Variants in DOCK6 observed in about 807,000 individuals in gnomAD.
DOCK6 encodes dedicator of cytokinesis 6.
DOCK6 carries 167 observed loss-of-function variants against 230.3 expected under a neutral mutation model. The ratio of observed to expected loss-of-function variants is 0.73; its 90% CI spans 0.64 to 0.82. The LOEUF is 0.82. Among genes scored for constraint, DOCK6 ranks in the 40% least tolerant of loss-of-function variants. DOCK6 has a pLI of 0.00. For missense variants in DOCK6, 2,598 were observed against 2,825.8 expected (o/e 0.92, Z 1.83); for synonymous variants, 1,148 against 1,185.0 (o/e 0.97, Z 0.64).
intron 6 of DOCK6, among the ~76,000 whole-genome samples, chr19:11,250,313 A>C (rs2080097733): frequency 6.7e-6 from 1 of 148,748 alleles, no homozygotes; most frequent in African/African-American, 2.5e-5. Flanking sequence ...GCCCAGCCAG[A>C]AGCTACTTTT....
chr19:11,205,486 G>A (rs2079242986), intron 39 of DOCK6, among the ~76,000 whole-genome samples: 1 of 152,246 alleles, frequency 6.6e-6, no homozygotes, highest in South Asian at 2.1e-4. Flanking sequence ...GGGATTACAG[G>A]CATGTGCCAC....
chr19:11,232,301 C>G, intron 22 of DOCK6: 4 of 1,289,004 alleles, frequency 3.1e-6, no homozygotes, highest in Non-Finnish European at 4.0e-6. Context: ...TGGAGATACA[C>G]GGAGAAGTGG....
intron 14 of DOCK6, chr19:11,239,801 C>G: frequency 1.2e-6 from 2 of 1,607,952 alleles, no homozygotes; most frequent in Non-Finnish European, 1.7e-6. Flanking sequence ...GTGTACAGGA[C>G]CACGGAGGGA....
At chr19:11,231,646 G>C (rs80221335) in intron 22 of DOCK6, among the ~76,000 whole-genome samples, 7,932 of 152,286 alleles carry the variant, frequency 0.052, 282 homozygotes, top group Middle Eastern at 0.095. Flanking sequence ...TTTTACAAAT[G>C]AAGAAACTGA....
At position 11,208,952 on chromosome 19, in the gene DOCK6, C is replaced by T. The variant is rs529163725; in HGVS notation, c.4903G>A (p.Glu1635Lys). The change falls in exon 38 of 48, where the codon GAG (glutamate) becomes AAG (lysine). Residue 1635 changes from glutamate to lysine, a missense_variant. By Grantham distance (56) the Glu-to-Lys change is moderately conservative. Coordinates refer to ENST00000294618, the MANE Select transcript of DOCK6 (RefSeq NM_020812.4). ...ALVAEYLALLEDHRHLPVGCV... is the reference protein window; with the variant it reads ...ALVAEYLALLKDHRHLPVGCV... ...CCCACGGGCAGGTGGCGGTGGTCCT[C>T]GAGCAGGGCGAGGTACTCAGCCACG... 176 of 1,598,966 alleles carry T rather than the reference C, an allele frequency of 1.1e-4. No homozygotes were observed. The highest frequency in any genetic ancestry group is 2.9e-4 in the South Asian group (26 of 90,694).
intron 1 of DOCK6, among the ~76,000 whole-genome samples, chr19:11,255,834 T>G (rs1260758897): frequency 6.6e-6 from 1 of 152,220 alleles, no homozygotes; most frequent in Non-Finnish European, 1.5e-5. Flanking sequence ...TTGCCCACGC[T>G]GGAGTGCAGT....
At chr19:11,225,413 G>A (rs1183642695) in intron 24 of DOCK6, among the ~76,000 whole-genome samples, 2 of 152,164 alleles carry the variant, frequency 1.3e-5, no homozygotes, top group Non-Finnish European at 2.9e-5. Flanking sequence ...GCCTGGGCCA[G>A]AACGCCATTT....
chr19:11,224,333 TC>T (rs1173021472), intron 24 of DOCK6, among the ~76,000 whole-genome samples: 2 of 151,566 alleles, frequency 1.3e-5, no homozygotes, highest in Admixed American at 1.3e-4. Flanking sequence ...GCCTCAGCCT[TC>T]TGAGTAGCTG....
Position 11,213,181 on chromosome 19 carries a change from C to T in DOCK6, c.4486G>A (p.Gly1496Ser), listed in dbSNP as rs2079421223. 3 of 1,611,512 alleles carry T rather than the reference C, an allele frequency of 1.9e-6. No homozygotes were observed. The highest frequency in any genetic ancestry group is 2.5e-6 in the Non-Finnish European group (3 of 1,178,746). The change falls in exon 35 of 48, where the codon GGC becomes AGC. Residue 1496 changes from glycine (G) to serine (S), a missense_variant. Transcript: ENST00000294618. ...GCCTCCTAGCCCCCACTCACGTGGCCGATCTCGAAGTTCTGTCGCATGAGC... is the reference window on the plus strand; with the variant it reads ...GCCTCCTAGCCCCCACTCACGTGGCTGATCTCGAAGTTCTGTCGCATGAGC... ...YLLMRQNFEI[G>S]HNFARVKMQV...
intron 37 of DOCK6, among the ~76,000 whole-genome samples, chr19:11,209,442 A>G (rs191941744): frequency 6.8e-6 from 1 of 147,994 alleles, no homozygotes; most frequent in East Asian, 2.0e-4. Context: ...CGTGTATCCT[A>G]CTCACCTGTC....
intron 8 of DOCK6, 48 bp downstream of exon 8, chr19:11,245,764 C>T: frequency 1.2e-6 from 2 of 1,604,140 alleles, no homozygotes; most frequent in Non-Finnish European, 1.7e-6. Context: ...CCCACAGCCC[C>T]CCAACAAGGA....
chr19:11,219,753 G>A (rs554176938), intron 28 of DOCK6, among the ~76,000 whole-genome samples: 16 of 149,278 alleles, frequency 1.1e-4, no homozygotes, highest in Admixed American at 8.7e-4. Flanking sequence ...TAGCGCCACT[G>A]CACTCCAGCC....
rs2079871648 is a variant in DOCK6, at chr19:11,237,657, G to A, written c.1955C>T (p.Thr652Ile). ...ACGGCTCACAGTAAAGCCCACGGGT[G>A]TCTCCAGGGCAGTGCCCGGCCGGGG... ...CQPRPGTALE[T>I]PVGFTWIPLL... Residue 652 changes from threonine (T) to isoleucine (I), a missense_variant, in exon 17 of 48, where the codon ACA becomes ATA. Physicochemically the swap from Thr to Ile is moderately conservative, Grantham distance 89. Transcript: ENST00000294618. 3 of 1,597,900 alleles carry A rather than the reference G, an allele frequency of 1.9e-6. No homozygotes were observed. The highest frequency in any genetic ancestry group is 1.7e-5 in the Admixed American group (1 of 57,214).
chr19:11,208,006 C>T (rs936900218), intron 39 of DOCK6, among the ~76,000 whole-genome samples: 1 of 151,826 alleles, frequency 6.6e-6, no homozygotes, highest in Non-Finnish European at 1.5e-5. Context: ...CCTGTGTTCC[C>T]AGCTACTTGG....
intron 37 of DOCK6, among the ~76,000 whole-genome samples, chr19:11,210,770 C>T (rs1189314331): frequency 1.3e-5 from 2 of 149,870 alleles, no homozygotes; most frequent in Non-Finnish European, 3.0e-5. Flanking sequence ...CTCACCTGGC[C>T]ATCCCTTCAG....
intron 1 of DOCK6, among the ~76,000 whole-genome samples, chr19:11,258,864 C>T (rs1432830151): frequency 6.6e-6 from 1 of 151,696 alleles, no homozygotes; most frequent in African/African-American, 2.4e-5. Context: ...TCAAGTGATT[C>T]TCCTGCCTCA....
intron 32 of DOCK6, 30 bp downstream of exon 32, chr19:11,215,357 C>T: frequency 6.2e-7 from 1 of 1,605,248 alleles, no homozygotes; most frequent in Admixed American, 1.7e-5. Context: ...CTGTTCTGAA[C>T]TCAGCAGACA....
Position 11,243,022 on chromosome 19 carries a change from A to G in DOCK6, c.1480+37T>C. ...TGTAGGTTTGTTGAGTGGCTGAGTG[A>G]GAGTGATACTTCTTGTGTATGGGGT... On this transcript the variant is annotated intron_variant, in intron 13 of 47. Coordinates refer to ENST00000294618, the MANE Select transcript of DOCK6 (RefSeq NM_020812.4). This position sits in a 1 kb window ranked among gnomAD's most constrained non-coding sequence, Gnocchi z 6.3. 6.2e-7 allele frequency: 1 copy of G among 1,609,614 alleles called. No individual in the cohort carries two copies. Among genetic ancestry groups the G allele is most frequent in the Non-Finnish European group, 8.5e-7 (1 of 1,177,868 alleles).
At chr19:11,252,657 A>T in intron 3 of DOCK6, 107 bp from the exon 4 acceptor site, 2 of 1,593,828 alleles carry the variant, frequency 1.3e-6, no homozygotes, top group Middle Eastern at 1.7e-4. Context: ...GGGGAGATGG[A>T]GGCTCAGAGA....
Sources: gnomAD v4.1 joint callset for allele counts (sites outside exome capture counted in the v4.1 genomes callset) on GRCh38, gnomAD v4.1.1 for gene constraint, Gnocchi (gnomAD v3.1) non-coding constraint, MANE v1.5 for transcripts, NCBI Gene and HGNC (gene_info 2026-07-23, HGNC 2026-07-21) for gene names.